AGBL1: variants seen among roughly 807,000 people sequenced by gnomAD.
AGBL1 encodes the protein AGBL carboxypeptidase 1, also known as cytosolic carboxypeptidase 4.
A neutral mutation model predicts 118.9 loss-of-function variants in AGBL1; 130 were observed. The observed-to-expected ratio is 1.09, with a 90% CI of 0.95 to 1.26. The LOEUF (loss-of-function observed/expected upper bound fraction) is 1.26, where lower values mean the gene tolerates loss of function less well. AGBL1 is among the 50% of genes most tolerant of loss of function. The probability of loss-of-function intolerance (pLI) is 0.00; values close to 1 mark genes in which losing one functional copy is unlikely to be tolerated. For synonymous variants in AGBL1, 555 were observed against 478.9 expected (o/e 1.16, Z -2.08); for missense variants, 1,584 against 1,298.1 (o/e 1.22, Z -3.38).
intron 19 of AGBL1, among the ~76,000 whole-genome samples, chr15:86,538,511 C>T (rs16977786): frequency 0.12 from 18,431 of 152,132 alleles, 1,188 homozygotes; most frequent in East Asian, 0.18. Context: ...GATGTTAACT[C>T]CATTTAGGAA....
At chr15:86,813,203 T>G (rs201131502) in intron 22 of AGBL1, among the ~76,000 whole-genome samples, 1 of 151,332 alleles carries the variant, frequency 6.6e-6, no homozygotes, top group African/African-American at 2.4e-5. Flanking sequence ...CTTTGAGGGT[T>G]GGGGGGGCCT....
chr15:86,881,353 A>G (rs2079889388), intron 22 of AGBL1, among the ~76,000 whole-genome samples: 1 of 152,110 alleles, frequency 6.6e-6, no homozygotes, highest in African/African-American at 2.4e-5. Context: ...CCTCCTGGTG[A>G]TTCTCACGTT....
intron 17 of AGBL1, among the ~76,000 whole-genome samples, chr15:86,364,165 C>T (rs2080844887): frequency 6.6e-6 from 1 of 152,066 alleles, no homozygotes; most frequent in Non-Finnish European, 1.5e-5. Context: ...ACTTAGCTTC[C>T]CTTACTGAAA....
intron 22 of AGBL1, among the ~76,000 whole-genome samples, chr15:86,765,130 A>C (rs962387682): frequency 6.6e-6 from 1 of 151,992 alleles, no homozygotes; most frequent in African/African-American, 2.4e-5. Flanking sequence ...TAAGGATTAC[A>C]TGTGTGGTTT....
intron 21 of AGBL1, among the ~76,000 whole-genome samples, chr15:86,567,026 A>T (rs1213522021): frequency 6.6e-6 from 1 of 152,156 alleles, no homozygotes; most frequent in Admixed American, 6.5e-5. Context: ...AACATTTATC[A>T]CCATTTTCAT....
intron 22 of AGBL1, among the ~76,000 whole-genome samples, chr15:86,776,674 C>T (rs970078762): frequency 7.1e-6 from 1 of 141,520 alleles, no homozygotes; most frequent in African/African-American, 2.6e-5. Context: ...TTTTGTTTTG[C>T]TTTTATTTGA....
intron 22 of AGBL1, among the ~76,000 whole-genome samples, chr15:86,830,763 A>G (rs1207815966): frequency 6.6e-6 from 1 of 152,202 alleles, no homozygotes; most frequent in Non-Finnish European, 1.5e-5. Context: ...ACTGGACTTA[A>G]TAGGTACTCC....
chr15:86,822,984 C>T (rs1314102939), intron 22 of AGBL1, among the ~76,000 whole-genome samples: 1 of 152,068 alleles, frequency 6.6e-6, no homozygotes, highest in Non-Finnish European at 1.5e-5. Flanking sequence ...AAACAGAAGT[C>T]AACATGGCAC....
chr15:86,482,875 G>A (rs1487221385), intron 18 of AGBL1, among the ~76,000 whole-genome samples: 1 of 151,944 alleles, frequency 6.6e-6, no homozygotes, highest in Non-Finnish European at 1.5e-5. Flanking sequence ...TCAGATGAAG[G>A]ATGACAAGGT....
chr15:86,254,414 A>G (rs1045733620), intron 7 of AGBL1, among the ~76,000 whole-genome samples: 1 of 152,232 alleles, frequency 6.6e-6, no homozygotes, highest in African/African-American at 2.4e-5. Flanking sequence ...ATTTAAACTC[A>G]TGTAGTCTGG....
intron 1 of AGBL1, among the ~76,000 whole-genome samples, chr15:86,081,151 C>T (rs1895253947): frequency 1.3e-5 from 2 of 152,172 alleles, no homozygotes; most frequent in Admixed American, 6.5e-5. Flanking sequence ...TCAAGCAATT[C>T]TCCTGCCTCT....
chr15:86,295,504 A>G, intron 17 of AGBL1, 96 bp downstream of exon 17: 1 of 1,321,658 alleles, frequency 7.6e-7, no homozygotes, highest in Admixed American at 2.5e-5. Context: ...AAAGCTCCAT[A>G]AAGGGTTGGA....
At chr15:86,183,393 G>A (rs980840201) in intron 5 of AGBL1, among the ~76,000 whole-genome samples, 9 of 152,012 alleles carry the variant, frequency 5.9e-5, no homozygotes, top group African/African-American at 2.2e-4. Context: ...TTATAAACAG[G>A]GATAATGAGT....
chr15:86,852,960 C>T (rs1404274814), intron 22 of AGBL1, among the ~76,000 whole-genome samples: 1 of 152,210 alleles, frequency 6.6e-6, no homozygotes, highest in South Asian at 2.1e-4. Flanking sequence ...TTAAAGCTTC[C>T]CAGGTGAATC....
At chr15:86,325,142 G>A (rs2080166224) in intron 17 of AGBL1, among the ~76,000 whole-genome samples, 1 of 152,184 alleles carries the variant, frequency 6.6e-6, no homozygotes, top group South Asian at 2.1e-4. Flanking sequence ...AGGATAGGAT[G>A]GAGGCCTAGA....
chr15:86,455,680 G>A (rs371112507), intron 18 of AGBL1, among the ~76,000 whole-genome samples: 1 of 152,054 alleles, frequency 6.6e-6, no homozygotes. Context: ...ACCACACACT[G>A]TTCTAAGTGC....
chr15:86,675,449 A>G (rs929474950), intron 22 of AGBL1, among the ~76,000 whole-genome samples: 3 of 152,112 alleles, frequency 2.0e-5, no homozygotes, highest in Non-Finnish European at 4.4e-5. Context: ...CTGAGACTTG[A>G]TTACCTAAAT....
In AGBL1 at chr15:86,334,573, G is replaced by A. The variant is rs924676741; in HGVS notation, c.2374+39165G>A. On this transcript the variant is annotated intron_variant, in intron 17 of 22. Coordinates refer to ENST00000614907, the MANE Select transcript of AGBL1 (RefSeq NM_001386094.1). ...GATTGGAAGAATCAATTTCAAAATGGCCATACTGCCTAAAGCAATCTATAT... is the reference window on the plus strand; with the variant it reads ...GATTGGAAGAATCAATTTCAAAATGACCATACTGCCTAAAGCAATCTATAT... 3.3e-5 allele frequency among the ~76,000 whole-genome samples: 5 copies of A among 152,028 alleles called. No homozygotes were observed. The South Asian group carries it at 8.3e-4, about 25-fold the overall frequency.
At chr15:86,351,278 C>T (rs1420865628) in intron 17 of AGBL1, among the ~76,000 whole-genome samples, 1 of 152,136 alleles carries the variant, frequency 6.6e-6, no homozygotes, top group East Asian at 1.9e-4. Flanking sequence ...ATAACAAACC[C>T]ACTCCTATGA....
Sources: allele counts gnomAD v4.1 joint callset (sites outside exome capture counted in the v4.1 genomes callset), GRCh38; gene constraint gnomAD v4.1.1; transcripts MANE v1.5; gene names NCBI Gene and HGNC (gene_info 2026-07-23, HGNC 2026-07-21).